IL4R: variants seen among roughly 807,000 people sequenced by gnomAD.
IL4R encodes the protein interleukin 4 receptor.
A neutral mutation model predicts 41.5 loss-of-function variants in IL4R; 17 were observed. The observed-to-expected ratio is 0.41, with a 90% confidence interval of 0.28 to 0.61. The LOEUF is 0.61. IL4R is among the 20% of genes least tolerant of loss of function. The probability of loss-of-function intolerance (pLI) is 0.31; values close to 1 mark genes in which losing one functional copy is unlikely to be tolerated. For missense variants in IL4R, 974 were observed against 1,043.1 expected (o/e 0.93, Z 0.91); for synonymous variants, 402 against 422.9 (o/e 0.95, Z 0.61).
chr16:27,360,324 A>T (rs2086238048), intron 9 of IL4R, among the ~76,000 whole-genome samples: 1 of 152,152 alleles, frequency 6.6e-6, no homozygotes, highest in East Asian at 1.9e-4. Context: ...TAGTTGGCTG[A>T]CTTTTACCTG....
intron 6 of IL4R, among the ~76,000 whole-genome samples, chr16:27,347,423 T>C (rs1293439846): frequency 6.6e-6 from 1 of 152,174 alleles, no homozygotes; most frequent in African/African-American, 2.4e-5. Context: ...ACTCCTGACC[T>C]CAGATGATCC....
chr16:27,337,551 G>A (rs886887086), intron 2 of IL4R, among the ~76,000 whole-genome samples: 11 of 151,648 alleles, frequency 7.3e-5, no homozygotes, highest in Non-Finnish European at 1.6e-4. Flanking sequence ...AACCCAGCGC[G>A]TGCTGTTTTC....
chr16:27,316,363 C>T (rs893403407), intron 1 of IL4R, among the ~76,000 whole-genome samples: 1 of 152,134 alleles, frequency 6.6e-6, no homozygotes, highest in African/African-American at 2.4e-5. Flanking sequence ...GAGCGAGACT[C>T]TGTCTCAAAA....
intron 7 of IL4R, 27 bp downstream of exon 7, chr16:27,352,723 G>A (rs1454422679): frequency 6.2e-7 from 1 of 1,608,384 alleles, no homozygotes. Context: ...CTAAGCAATG[G>A]TAATCTCCAC....
intron 4 of IL4R, 116 bp downstream of exon 4, chr16:27,342,375 C>A: frequency 7.8e-7 from 1 of 1,285,818 alleles, no homozygotes; most frequent in Non-Finnish European, 1.1e-6. Flanking sequence ...TGGTTTGCTG[C>A]TGTTTATATG....
Position 27,315,914 on chromosome 16 carries a change from G to C in IL4R, c.-152+1894G>C, listed in dbSNP as rs553776826. Among the ~76,000 whole-genome samples, 58 of 152,254 alleles carry C rather than the reference G, an allele frequency of 3.8e-4. No homozygotes were observed. In the South Asian group the frequency reaches 0.012, roughly 31 times the overall value. Reference sequence around the variant, plus strand: ...CCCATTTACAACACATGCAGTTACCGGCAGGTCCGAGATAACCTAAGGGTT... The same window carrying C: ...CCCATTTACAACACATGCAGTTACCCGCAGGTCCGAGATAACCTAAGGGTT... On this transcript the variant is annotated intron_variant, in intron 1 of 10. Coordinates refer to ENST00000395762, the MANE Select transcript of IL4R (RefSeq NM_000418.4).
intron 1 of IL4R, among the ~76,000 whole-genome samples, chr16:27,324,890 C>T (rs2084914109): frequency 6.6e-6 from 1 of 152,194 alleles, no homozygotes; most frequent in African/African-American, 2.4e-5. Context: ...CCACCCCAGC[C>T]TGAGGCCACT....
At chr16:27,361,036 C>T in intron 10 of IL4R, 1 of 1,427,560 alleles carries the variant, frequency 7.0e-7, no homozygotes, top group Non-Finnish European at 9.1e-7. Flanking sequence ...TGGTGATACC[C>T]CTTGGGAGTG....
At chr16:27,319,414 G>A (rs2084745865) in intron 1 of IL4R, among the ~76,000 whole-genome samples, 1 of 152,212 alleles carries the variant, frequency 6.6e-6, no homozygotes. Flanking sequence ...GAACCTAGAA[G>A]CTCCAGAGTC....
chr16:27,362,710 C>T lies in IL4R; in HGVS notation c.1358C>T (p.Pro453Leu), dbSNP rs2141224938. The change falls in exon 11 of 11, where the codon CCC becomes CTC. Residue 453 changes from proline (P) to leucine (L), a missense_variant. Physicochemically the swap from Pro to Leu is moderately conservative, Grantham distance 98 (BLOSUM62 -3). Around this residue, in one of 3 missense-constraint regions of IL4R, gnomAD observed 682 missense variants for 704.3 expected, o/e 0.97. Coordinates refer to ENST00000395762, the MANE Select transcript of IL4R (RefSeq NM_000418.4). ...TGGGATGAGTTCCCAAGTGCAGGGCCCAAGGAGGCACCTCCCTGGGGCAAG... is the reference window on the plus strand; with the variant it reads ...TGGGATGAGTTCCCAAGTGCAGGGCTCAAGGAGGCACCTCCCTGGGGCAAG... ...MPWDEFPSAG[P>L]KEAPPWGKEQ... is the part of the protein sequence containing the mutation. The T allele has an allele frequency of 6.2e-7, 1 of 1,614,140 alleles. No homozygotes were observed. Among genetic ancestry groups the T allele is most frequent in the African/African-American group, 1.3e-5 (1 of 75,052 alleles).
intron 8 of IL4R, among the ~76,000 whole-genome samples, 177 bp downstream of exon 8, chr16:27,356,084 C>CTTT (rs36125482): frequency 2.7e-4 from 31 of 113,718 alleles, no homozygotes; most frequent in African/African-American, 8.2e-4. Flanking sequence ...CCACTTTTTT[C>CTTT]TTTTTTTTTT....
Position 27,342,214 on chromosome 16 carries a change from G to T in IL4R, c.164G>T (p.Ser55Ile). 4 of 1,614,230 alleles carry T rather than the reference G, an allele frequency of 2.5e-6. No homozygotes were observed. Among genetic ancestry groups the T allele is most frequent in the Non-Finnish European group, 3.4e-6 (4 of 1,180,032 alleles). Residue 55 changes from serine (S) to isoleucine (I), a missense_variant, in exon 4 of 11, where the codon AGC becomes ATC. Coordinates refer to ENST00000395762, the MANE Select transcript of IL4R (RefSeq NM_000418.4). ...AAGATGAATGGTCCCACCAATTGCAGCACCGAGCTCCGCCTGTTGTACCAG... is the reference window on the plus strand; with the variant it reads ...AAGATGAATGGTCCCACCAATTGCATCACCGAGCTCCGCCTGTTGTACCAG... ...EWKMNGPTNC[S>I]TELRLLYQLV...
intron 1 of IL4R, among the ~76,000 whole-genome samples, chr16:27,327,925 A>T (rs2085005620): frequency 6.6e-6 from 1 of 152,090 alleles, no homozygotes; most frequent in Non-Finnish European, 1.5e-5. Context: ...AAAAATGATT[A>T]TTGAGGCCAG....
At chr16:27,314,805 C>T (rs2084589282) in intron 1 of IL4R, among the ~76,000 whole-genome samples, 2 of 152,032 alleles carry the variant, frequency 1.3e-5, no homozygotes, top group Non-Finnish European at 2.9e-5. Context: ...AGGTCCTTGC[C>T]CTGAGATTCA....
At chr16:27,334,973 A>G (rs998960856) in intron 2 of IL4R, among the ~76,000 whole-genome samples, 4 of 152,160 alleles carry the variant, frequency 2.6e-5, no homozygotes, top group Non-Finnish European at 4.4e-5. Flanking sequence ...CCTGGCTGTC[A>G]GGATGACAGA....
chr16:27,341,180 T>G (rs754109382), intron 3 of IL4R: 1 of 695,952 alleles, frequency 1.4e-6, no homozygotes, highest in South Asian at 1.5e-5. Context: ...GGAGGTAGAT[T>G]TGAGGACAGA....
chr16:27,323,686 C>T (rs112470963), intron 1 of IL4R, among the ~76,000 whole-genome samples: 19 of 151,460 alleles, frequency 1.3e-4, no homozygotes, highest in South Asian at 4.2e-4. Flanking sequence ...GATAGGGTCT[C>T]ACTCTGTTGC....
At chr16:27,340,875 T>C (rs1440184729) in intron 3 of IL4R, among the ~76,000 whole-genome samples, 2 of 152,134 alleles carry the variant, frequency 1.3e-5, no homozygotes, top group African/African-American at 4.8e-5. Context: ...TGCAGATGTC[T>C]GGGGAAGGCT....
At chr16:27,316,196 G>A (rs1393621595) in intron 1 of IL4R, among the ~76,000 whole-genome samples, 2 of 152,038 alleles carry the variant, frequency 1.3e-5, no homozygotes, top group African/African-American at 4.8e-5. Flanking sequence ...GTGAGATCCT[G>A]TTCCTACAAA....
Sources: gnomAD v4.1 joint callset for allele counts (sites outside exome capture counted in the v4.1 genomes callset) on GRCh38, gnomAD v4.1.1 for gene constraint, gnomAD v4.1.1 regional missense constraint, MANE v1.5 for transcripts, NCBI Gene and HGNC (gene_info 2026-07-23, HGNC 2026-07-21) for gene names.